SUMF1: variants seen among roughly 807,000 people sequenced by gnomAD.
SUMF1 encodes sulfatase modifying factor 1, also known as formylglycine-generating enzyme.
A neutral mutation model predicts 47.6 loss-of-function variants in SUMF1; 48 were observed. The ratio of observed to expected loss-of-function variants is 1.01; its 90% CI spans 0.80 to 1.28. The LOEUF is 1.28. Among genes scored for constraint, SUMF1 ranks in the 50% most tolerant of loss-of-function variants. The pLI is 0.00. For missense variants in SUMF1, 571 were observed against 485.4 expected, an observed-to-expected ratio of 1.18 and a Z score of -1.66; for synonymous variants, 230 against 192.1, an observed-to-expected ratio of 1.20 and a Z score of -1.63.
chr3:4,237,424 T>C (rs557786482), intron 8 of SUMF1, among the ~76,000 whole-genome samples: 2 of 152,284 alleles, frequency 1.3e-5, no homozygotes, highest in East Asian at 1.9e-4. Context: ...CTTGTATACC[T>C]TCTTTGATTA....
intron 1 of SUMF1, among the ~76,000 whole-genome samples, chr3:4,459,380 G>A (rs1275890299): frequency 6.6e-6 from 1 of 151,856 alleles, no homozygotes; most frequent in East Asian, 1.9e-4. Context: ...GGAAAAAAAA[G>A]AAGTCAAGGA....
chr3:4,294,684 T>C (rs1169803628), intron 8 of SUMF1, among the ~76,000 whole-genome samples: 4 of 152,224 alleles, frequency 2.6e-5, no homozygotes, highest in Admixed American at 2.0e-4. Flanking sequence ...TGCCCAGGTT[T>C]CTTCTTGTCT....
chr3:4,295,932 CA>C (rs1353181398), intron 8 of SUMF1, among the ~76,000 whole-genome samples: 3 of 152,006 alleles, frequency 2.0e-5, no homozygotes, highest in Admixed American at 2.0e-4. Flanking sequence ...AAACATAGGA[CA>C]AGATGGAAGT....
intron 8 of SUMF1, among the ~76,000 whole-genome samples, chr3:4,099,063 A>T (rs1258838281): frequency 6.6e-6 from 1 of 152,138 alleles, no homozygotes; most frequent in Non-Finnish European, 1.5e-5. Context: ...ATTCTCCATG[A>T]GTTATGAGAT....
chr3:4,034,875 C>A (rs1479191647), intron 9 of SUMF1, among the ~76,000 whole-genome samples: 1 of 151,802 alleles, frequency 6.6e-6, no homozygotes, highest in Non-Finnish European at 1.5e-5. Flanking sequence ...GAAAAGGTAT[C>A]AGTCAGACTA....
chr3:4,045,509 G>A (rs1178679250), intron 9 of SUMF1, among the ~76,000 whole-genome samples: 1 of 151,808 alleles, frequency 6.6e-6, no homozygotes, highest in African/African-American at 2.4e-5. Context: ...AGAATAAAAT[G>A]AGATTGTATA....
chr3:4,420,237 C>A (rs1701847853), intron 3 of SUMF1, 91 bp from the exon 4 acceptor site: 9 of 915,670 alleles, frequency 9.8e-6, no homozygotes, highest in South Asian at 9.4e-5. Flanking sequence ...ATCTCAATGT[C>A]TTCAACTTCC....
chr3:4,064,427 C>T (rs1382091981), intron 9 of SUMF1, among the ~76,000 whole-genome samples: 2 of 152,156 alleles, frequency 1.3e-5, no homozygotes, highest in Non-Finnish European at 2.9e-5. Flanking sequence ...TCTGGGTTTG[C>T]TTGCCCCTTT....
intron 8 of SUMF1, among the ~76,000 whole-genome samples, chr3:4,214,716 T>A (rs1191572861): frequency 1.3e-5 from 2 of 151,934 alleles, no homozygotes; most frequent in East Asian, 3.8e-4. Flanking sequence ...TAGGGGATAT[T>A]ACCACTGATC....
intron 3 of SUMF1, among the ~76,000 whole-genome samples, chr3:4,421,227 AT>A (rs998013287): frequency 2.0e-4 from 30 of 152,278 alleles, no homozygotes; most frequent in African/African-American, 7.0e-4. Flanking sequence ...TAGGCAACTT[AT>A]TTAACCTCTT....
At chr3:4,378,443 A>T (rs1700396542) in intron 7 of SUMF1, among the ~76,000 whole-genome samples, 1 of 152,212 alleles carries the variant, frequency 6.6e-6, no homozygotes, top group Non-Finnish European at 1.5e-5. Flanking sequence ...ACTATCACAG[A>T]CAAAGCCATT....
intron 8 of SUMF1, among the ~76,000 whole-genome samples, chr3:4,348,691 G>T (rs182967496): frequency 6.7e-6 from 1 of 149,712 alleles, no homozygotes; most frequent in Non-Finnish European, 1.5e-5. Flanking sequence ...ATGCAGAAAT[G>T]CTGTCTCTAC....
At chr3:4,168,086 C>A (rs1244946778) in intron 8 of SUMF1, among the ~76,000 whole-genome samples, 2 of 152,120 alleles carry the variant, frequency 1.3e-5, no homozygotes, top group Admixed American at 1.3e-4. Context: ...CAATACAGAG[C>A]CTCTATTTTC....
chr3:4,047,502 G>C (rs368314708), intron 9 of SUMF1, among the ~76,000 whole-genome samples: 15 of 152,256 alleles, frequency 9.9e-5, no homozygotes, highest in African/African-American at 3.6e-4. Context: ...TTTCCAGCCA[G>C]TGACATTTCT....
chr3:4,207,545 A>T (rs575368498), intron 8 of SUMF1, among the ~76,000 whole-genome samples: 1 of 152,222 alleles, frequency 6.6e-6, no homozygotes, highest in African/African-American at 2.4e-5. Flanking sequence ...AAACGTTTTT[A>T]TATTTCTATT....
chr3:4,172,503 T>A (rs1235742765), intron 8 of SUMF1, among the ~76,000 whole-genome samples: 2 of 152,180 alleles, frequency 1.3e-5, no homozygotes, highest in Non-Finnish European at 2.9e-5. Context: ...TAAATCTTTA[T>A]AGCAACTCTA....
chr3:4,149,860 G>T (rs750796341), intron 8 of SUMF1, among the ~76,000 whole-genome samples: 2 of 152,018 alleles, frequency 1.3e-5, no homozygotes, highest in African/African-American at 4.8e-5. Flanking sequence ...TGTTTCAGTT[G>T]ATGCCATGTC....
intron 8 of SUMF1, among the ~76,000 whole-genome samples, chr3:4,221,251 A>G (rs1280240586): frequency 1.3e-5 from 2 of 152,146 alleles, no homozygotes; most frequent in Non-Finnish European, 2.9e-5. Context: ...TACTAAGATG[A>G]ACAACACATG....
rs923064529 is a variant in SUMF1 at position 4,102,434 on chromosome 3, T to G, written c.1015-33689A>C. Among the ~76,000 whole-genome samples, 4 of 152,114 alleles carry G rather than the reference T, an allele frequency of 2.6e-5. 1 individual carries two copies. The highest frequency in any genetic ancestry group is 9.7e-5 in the African/African-American group (4 of 41,396). On this transcript the variant is annotated intron_variant and NMD_transcript_variant, in intron 8 of 12. Transcript: ENST00000448413. ...TGTGTATATCCCTGAAATCCCACAA[T>G]AGCAGTAATGATAGAGTCCAGTCTT...
Sources: allele counts gnomAD v4.1 joint callset (sites outside exome capture counted in the v4.1 genomes callset), GRCh38; gene constraint gnomAD v4.1.1; transcripts MANE v1.5; gene names NCBI Gene and HGNC (gene_info 2026-07-23, HGNC 2026-07-21).